The following PPP1R9A variants were observed in gnomAD, a reference collection of about 807,000 sequenced individuals.
PPP1R9A encodes neurabin-1.
Under a neutral mutation model 141.9 loss-of-function variants are expected in PPP1R9A, and 59 were observed. That is an observed-to-expected ratio of 0.42 (90% CI 0.34 to 0.52). The LOEUF is 0.52. Among genes scored for constraint, PPP1R9A ranks in the 20% least tolerant of loss-of-function variants. The pLI is 0.10. For synonymous variants in PPP1R9A, 500 were observed against 569.7 expected (o/e 0.88, Z 1.74); for missense variants, 1,444 against 1,611.9 (o/e 0.90, Z 1.78).
At chr7:95,196,479 G>A (rs1836298928) in intron 5 of PPP1R9A, among the ~76,000 whole-genome samples, 2 of 152,008 alleles carry the variant, frequency 1.3e-5, no homozygotes, top group African/African-American at 4.8e-5. Context: ...TTGTCTAAAG[G>A]AAATGAAAAC....
chr7:95,176,296 GA>G (rs1410679872), intron 5 of PPP1R9A, among the ~76,000 whole-genome samples: 2 of 152,054 alleles, frequency 1.3e-5, no homozygotes, highest in African/African-American at 4.8e-5. Flanking sequence ...ATATCCACAG[GA>G]AAAGGGGGAG....
chr7:95,250,134 A>G lies in PPP1R9A; in HGVS notation c.2275A>G (p.Ile759Val). The G allele has an allele frequency of 6.2e-7, 1 of 1,614,006 alleles. No homozygotes were observed. Among genetic ancestry groups the G allele is most frequent in the Non-Finnish European group, 8.5e-7 (1 of 1,179,952 alleles). The change falls in exon 10 of 20, where the codon ATT becomes GTT. Residue 759 changes from isoleucine to valine, a missense_variant. This residue lies in a region of PPP1R9A where 488 missense variants were observed against 542.0 expected (regional missense o/e 0.90). Coordinates refer to ENST00000433360, the MANE Select transcript of PPP1R9A (RefSeq NM_001166160.2). Reference protein sequence around the residue: ...ERMLKLESYWIEAQTLCHTVN... With the variant: ...ERMLKLESYWVEAQTLCHTVN... ...AATGTTGAAGTTGGAAAGCTACTGG[A>G]TTGAGGCCCAAACATTATGCCACAC...
chr7:95,139,440 A>G (rs1826245211), intron 4 of PPP1R9A, among the ~76,000 whole-genome samples: 1 of 152,198 alleles, frequency 6.6e-6, no homozygotes, highest in Non-Finnish European at 1.5e-5. Context: ...GGGTGGGGAC[A>G]CAAAGCCAAA....
rs1311594765 is a variant in PPP1R9A at position 95,070,622 on chromosome 7, C to CAT, written c.1396-40636_1396-40635insTA. Among the ~76,000 whole-genome samples the CAT allele has an allele frequency of 2.7e-4, 22 of 82,852 alleles. No homozygotes were observed. In the South Asian group the frequency reaches 4.9e-3, roughly 18 times the overall value. 54.4% of individuals were successfully genotyped at this position (82,852 alleles called of 152,430 possible). A position where few individuals can be genotyped will look rare whatever the true frequency, so the allele number is the denominator to read the frequency against. On this transcript the variant is annotated intron_variant, in intron 2 of 19. Transcript: ENST00000433360. The stretch of plus-strand genomic sequence containing the variant: ...ATATATATATATATACACACACACA[C>CAT]ACATATATATAAGGTGTTTTTGCTT...
intron 7 of PPP1R9A, among the ~76,000 whole-genome samples, chr7:95,205,506 T>G (rs1247046669): frequency 1.3e-5 from 2 of 152,184 alleles, no homozygotes; most frequent in African/African-American, 4.8e-5. Context: ...ATATATTTTA[T>G]TAGTTGAATA....
intron 4 of PPP1R9A, among the ~76,000 whole-genome samples, chr7:95,151,578 G>A (rs1012443): frequency 0.61 from 93,159 of 151,848 alleles, 29,468 homozygotes; most frequent in African/African-American, 0.78. Context: ...GTCAAAACCC[G>A]TAGAATGTGC....
chr7:94,978,754 A>G (rs1053222318), intron 2 of PPP1R9A, among the ~76,000 whole-genome samples: 2 of 152,178 alleles, frequency 1.3e-5, no homozygotes, highest in African/African-American at 4.8e-5. Flanking sequence ...GAATCCATTT[A>G]ATTTAGATGT....
chr7:95,181,484 TC>T (rs1333762712), intron 5 of PPP1R9A, among the ~76,000 whole-genome samples: 6 of 137,502 alleles, frequency 4.4e-5, no homozygotes, highest in Non-Finnish European at 7.6e-5. Flanking sequence ...ATATATTCCA[TC>T]ATATATATAG....
intron 2 of PPP1R9A, among the ~76,000 whole-genome samples, chr7:95,034,444 C>T (rs1563148027): frequency 6.6e-6 from 1 of 152,064 alleles, no homozygotes; most frequent in Non-Finnish European, 1.5e-5. Context: ...TTTTTTGAGA[C>T]TACAACCTCT....
intron 4 of PPP1R9A, among the ~76,000 whole-genome samples, chr7:95,138,143 AG>A (rs1367773933): frequency 3.9e-5 from 6 of 152,104 alleles, no homozygotes; most frequent in African/African-American, 1.4e-4. Context: ...CGTATTAGCC[AG>A]GATGGTCTCG....
chr7:95,229,767 C>G (rs1795658308), intron 8 of PPP1R9A, among the ~76,000 whole-genome samples: 1 of 152,066 alleles, frequency 6.6e-6, no homozygotes, highest in South Asian at 2.1e-4. Context: ...AATACTTGAC[C>G]AGGTGTTCCT....
intron 1 of PPP1R9A, among the ~76,000 whole-genome samples, chr7:94,909,122 C>T (rs1791162837): frequency 6.6e-6 from 1 of 152,106 alleles, no homozygotes; most frequent in Non-Finnish European, 1.5e-5. Flanking sequence ...AAGTTAGAGG[C>T]AAGAAAGAAT....
chr7:95,251,901 G>A (rs1442881548), intron 11 of PPP1R9A, 43 bp downstream of exon 11: 1 of 1,610,392 alleles, frequency 6.2e-7, no homozygotes, highest in South Asian at 1.1e-5. Flanking sequence ...AGATGGTTTT[G>A]CTGTACTTGG....
chr7:95,095,565 A>C (rs536397577), intron 2 of PPP1R9A, among the ~76,000 whole-genome samples: 5 of 152,316 alleles, frequency 3.3e-5, no homozygotes, highest in African/African-American at 1.2e-4. Context: ...GACAGATACC[A>C]TTTGTAGATT....
intron 2 of PPP1R9A, among the ~76,000 whole-genome samples, chr7:95,020,032 C>A (rs1805686526): frequency 7.3e-6 from 1 of 136,206 alleles, no homozygotes; most frequent in South Asian, 2.3e-4. Flanking sequence ...GAACAAATGG[C>A]TATATCATTA....
chr7:95,013,435 T>G (rs866201317), intron 2 of PPP1R9A, among the ~76,000 whole-genome samples: 1 of 152,120 alleles, frequency 6.6e-6, no homozygotes. Flanking sequence ...TTTTATTATA[T>G]AGTTTCTCTG....
chr7:94,966,290 T>C (rs1010511509), intron 2 of PPP1R9A, among the ~76,000 whole-genome samples: 2 of 152,210 alleles, frequency 1.3e-5, no homozygotes, highest in Non-Finnish European at 2.9e-5. Flanking sequence ...ACAATTTGAC[T>C]TCCTCTCTTC....
intron 2 of PPP1R9A, among the ~76,000 whole-genome samples, chr7:95,004,679 A>G (rs1803364432): frequency 6.6e-6 from 1 of 152,198 alleles, no homozygotes; most frequent in Non-Finnish European, 1.5e-5. Flanking sequence ...AGGCTCAATA[A>G]TAGAATGGAT....
intron 5 of PPP1R9A, among the ~76,000 whole-genome samples, chr7:95,167,623 T>C (rs1261893140): frequency 6.6e-6 from 1 of 152,160 alleles, no homozygotes; most frequent in East Asian, 1.9e-4. Context: ...TCTTTTCAGA[T>C]GATGTGATCT....
Sources: gnomAD v4.1 joint callset for allele counts (sites outside exome capture counted in the v4.1 genomes callset) on GRCh38, gnomAD v4.1.1 for gene constraint, gnomAD v4.1.1 regional missense constraint, MANE v1.5 for transcripts, NCBI Gene and HGNC (gene_info 2026-07-23, HGNC 2026-07-21) for gene names.